GPI: variants seen among roughly 807,000 people sequenced by gnomAD.
GPI encodes the protein glucose-6-phosphate isomerase, also known as D-hexose-6-phosphate anomerase.
GPI carries 56 observed loss-of-function variants against 75.8 expected under a neutral mutation model. The observed-to-expected ratio is 0.74, with a 90% CI of 0.60 to 0.92. The LOEUF (loss-of-function observed/expected upper bound fraction) is 0.92. GPI is among the 40% of genes least tolerant of loss of function. GPI has a pLI of 0.00. For missense variants in GPI, 638 were observed against 741.0 expected (o/e 0.86, Z 1.61); for synonymous variants, 288 against 285.4 (o/e 1.01, Z -0.09).
At chr19:34,368,456 C>T in intron 3 of GPI, 127 bp from the exon 4 acceptor site, 4 of 981,776 alleles carry the variant, frequency 4.1e-6, no homozygotes, top group East Asian at 5.1e-5. Flanking sequence ...GGTTATGGTG[C>T]TAACAGAGAC....
At chr19:34,397,047 G>A (rs139519557) in intron 14 of GPI, among the ~76,000 whole-genome samples, 91 of 152,324 alleles carry the variant, frequency 6.0e-4, no homozygotes, top group Middle Eastern at 3.4e-3. Context: ...ATGACCTCAA[G>A]TAATCTACCT....
In GPI at chr19:34,400,219, A is replaced by C. The variant is rs558738030; in HGVS notation, c.*183A>C. On this transcript the variant is annotated 3_prime_UTR_variant, in exon 18 of 18. Coordinates refer to ENST00000356487, the MANE Select transcript of GPI (RefSeq NM_000175.5). ...CCTAACCCCCAGCCCCTCCATGTCT[A>C]TGCTCCCTCTGTGTTAGAATTGGCT... The C allele has an allele frequency of 3.0e-6, 2 of 677,688 alleles. No homozygotes were observed. Among genetic ancestry groups the C allele is most frequent in the African/African-American group, 1.8e-5 (1 of 56,190 alleles). The allele number at this position is 677,688 out of a possible 1,614,324, so 42.0% of individuals were successfully genotyped here.
intron 9 of GPI, among the ~76,000 whole-genome samples, chr19:34,386,851 G>T (rs2074742535): frequency 6.6e-6 from 1 of 152,026 alleles, no homozygotes; most frequent in Non-Finnish European, 1.5e-5. Flanking sequence ...CAGTGGGTTA[G>T]TCACAAGTTG....
chr19:34,393,616 T>A lies in GPI; in HGVS notation c.866-112T>A, dbSNP rs539717443. ...TTGTCTAGGTCCGAGTCCTCCCATG[T>A]CGTATCTTCTGGCTCTCCATGCAGC... On this transcript the variant is annotated intron_variant, in intron 10 of 17. Transcript: ENST00000356487. The surrounding 1 kb of genome is among the most constrained non-coding windows in gnomAD (Gnocchi z 4.4). The A allele has an allele frequency of 4.1e-4, 421 of 1,039,486 alleles. 1 individual carries two copies. The highest frequency in any genetic ancestry group is 5.9e-4 in the Non-Finnish European group (388 of 663,076). The allele number at this position is 1,039,486 out of a possible 1,614,324, so 64.4% of individuals were successfully genotyped here.
At chr19:34,366,508 C>G in intron 2 of GPI, 73 bp downstream of exon 2, 1 of 1,012,392 alleles carries the variant, frequency 9.9e-7, no homozygotes, top group Non-Finnish European at 1.6e-6. Context: ...TGGGAGTCCC[C>G]AGGACCTTGA....
At chr19:34,381,302 CCTGCCCTCGACTCACAGG>C in intron 8 of GPI, 146 bp from the exon 9 acceptor site, 1 of 704,208 alleles carries the variant, frequency 1.4e-6, no homozygotes, top group Non-Finnish European at 2.6e-6. Context: ...GATCCTGGGC[CCTGCCCTCGACTCACAGG>C]CTGCTCCAGC....
intron 9 of GPI, chr19:34,392,967 T>C (rs1235370998): frequency 6.1e-6 from 3 of 488,718 alleles, no homozygotes; most frequent in Non-Finnish European, 1.1e-5. Context: ...AGGTATGAGG[T>C]CCTGGGTCTG....
At chr19:34,373,486 G>A (rs538632331) in intron 4 of GPI, among the ~76,000 whole-genome samples, 23 of 151,492 alleles carry the variant, frequency 1.5e-4, no homozygotes, top group African/African-American at 4.8e-4. Flanking sequence ...GAACCCGGGA[G>A]GTGGAGGTTT....
intron 14 of GPI, 51 bp downstream of exon 14, chr19:34,396,708 C>T: frequency 6.9e-7 from 1 of 1,450,034 alleles, no homozygotes; most frequent in Middle Eastern, 1.7e-4. Flanking sequence ...ACATTGCACC[C>T]AGACCTCTGA....
At chr19:34,366,001 A>C in intron 1 of GPI, 1 of 546,956 alleles carries the variant, frequency 1.8e-6, no homozygotes, top group Non-Finnish European at 3.5e-6. Flanking sequence ...GCTCCGGGCT[A>C]GACGTCCCGA....
chr19:34,399,613 A>G lies in GPI; in HGVS notation c.1456A>G (p.Met486Val), dbSNP rs2074992938. ...TGTGTTCACCAAGCTCACACCATTC[A>G]TGCTTGGAGCCTTGGTCGGTGAGTG... Reference protein sequence around the residue: ...SIVFTKLTPFMLGALVAMYEH... With the variant: ...SIVFTKLTPFVLGALVAMYEH... The change falls in exon 16 of 18, where the codon ATG (methionine) becomes GTG (valine). Residue 486 changes from methionine (M) to valine (V), a missense_variant. Transcript: ENST00000356487. The G allele has an allele frequency of 1.2e-6, 2 of 1,614,016 alleles. No individual in the cohort carries two copies. Among genetic ancestry groups the G allele is most frequent in the Admixed American group, 1.7e-5 (1 of 59,994 alleles).
chr19:34,369,240 G>A (rs971192189), intron 4 of GPI, among the ~76,000 whole-genome samples: 4 of 151,794 alleles, frequency 2.6e-5, no homozygotes, highest in African/African-American at 9.7e-5. Context: ...GTAGAGACGG[G>A]ATTTCACCAT....
In GPI at chr19:34,373,388, CAAA is replaced by C. The variant is rs756488685; in HGVS notation, c.403-4101_403-4099del. The stretch of plus-strand genomic sequence containing the variant: ...TGGGTGACAGAGCGAGACTCTGTCT[CAAA>C]AAAAAAAAAAAAATTTATAACTGGG... On this transcript the variant is annotated intron_variant, in intron 4 of 17. Coordinates refer to ENST00000356487, the MANE Select transcript of GPI (RefSeq NM_000175.5). 3.9e-3 allele frequency among the ~76,000 whole-genome samples: 439 copies of C among 112,748 alleles called. 4 individuals are homozygous for C. The highest frequency in any genetic ancestry group is 9.9e-3 in the South Asian group (35 of 3,518). The allele number at this position is 112,748 out of a possible 152,430, so 74.0% of individuals were successfully genotyped here.
chr19:34,394,826 G>T (rs1490786875), intron 12 of GPI, among the ~76,000 whole-genome samples: 2 of 151,906 alleles, frequency 1.3e-5, no homozygotes, highest in Non-Finnish European at 2.9e-5. Flanking sequence ...CAATTCCTGT[G>T]CCTCAGCCTC....
chr19:34,400,616 C>T lies in GPI; in HGVS notation c.*580C>T. On this transcript the variant is annotated 3_prime_UTR_variant, in exon 18 of 18. Transcript: ENST00000356487. ...TCTGTTCACTCGATGGTTCTAAAAA[C>T]TGCATTGAGATTATGTTTGTTTCGG... The T allele has an allele frequency of 2.4e-6, 1 of 411,510 alleles. No individual in the cohort carries two copies. The highest frequency in any genetic ancestry group is 4.3e-6 in the Non-Finnish European group (1 of 232,686). 25.5% of individuals were successfully genotyped at this position (411,510 alleles called of 1,614,324 possible).
At chr19:34,386,867 A>C (rs1321515047) in intron 9 of GPI, among the ~76,000 whole-genome samples, 1 of 151,700 alleles carries the variant, frequency 6.6e-6, no homozygotes. Context: ...AGTTGGTAGA[A>C]CTACGCATCT....
intron 1 of GPI, chr19:34,365,936 C>T (rs776565973): frequency 4.1e-5 from 20 of 489,178 alleles, no homozygotes; most frequent in South Asian, 3.1e-4. Flanking sequence ...GGGAGTGCGG[C>T]CAAGGGAGCT....
Position 34,377,824 on chromosome 19 carries a change from T to C in GPI, c.576T>C (p.Ile192=), listed in dbSNP as rs746133979. 2 of 1,614,148 alleles carry C rather than the reference T, an allele frequency of 1.2e-6. No homozygotes were observed. Among genetic ancestry groups the C allele is most frequent in the South Asian group, 1.1e-5 (1 of 91,082 alleles). The change falls in exon 6 of 18, where the codon ATT becomes ATC. Residue 192 remains isoleucine (I), a synonymous_variant. Coordinates refer to ENST00000356487, the MANE Select transcript of GPI (RefSeq NM_000175.5). The part of the protein sequence containing the change: ...WYVSNIDGTH[I]AKTLAQLNPE... The stretch of plus-strand genomic sequence containing the variant: ...TCTCCAACATTGATGGAACTCACAT[T>C]GCCAAAACCCTGGCCCAGCTGAACC...
intron 9 of GPI, among the ~76,000 whole-genome samples, chr19:34,383,122 G>C (rs1259774727): frequency 2.0e-5 from 3 of 152,156 alleles, no homozygotes; most frequent in African/African-American, 7.2e-5. Context: ...GGCCAGTTTT[G>C]CGGCAGCCAT....
Sources: allele counts gnomAD v4.1 joint callset (sites outside exome capture counted in the v4.1 genomes callset), GRCh38; gene constraint gnomAD v4.1.1; non-coding constraint Gnocchi (gnomAD v3.1); transcripts MANE v1.5; gene names NCBI Gene and HGNC (gene_info 2026-07-23, HGNC 2026-07-21).